CA13: variants seen among roughly 807,000 people sequenced by gnomAD.
CA13 encodes CA-XIII.
A neutral mutation model predicts 31.5 loss-of-function variants in CA13; 21 were observed. The ratio of observed to expected loss-of-function variants is 0.67; its 90% confidence interval spans 0.47 to 0.96. The LOEUF (loss-of-function observed/expected upper bound fraction) is 0.96, where lower values mean the gene tolerates loss of function less well. Among genes scored for constraint, CA13 ranks in the 40% least tolerant of loss-of-function variants. The pLI is 0.00. For synonymous variants in CA13, 117 were observed against 111.4 expected (o/e 1.05, Z -0.32); for missense variants, 315 against 318.9 (o/e 0.99, Z 0.09).
At position 85,259,441 on chromosome 8, in the gene CA13, A is replaced by G; in HGVS notation, c.256A>G (p.Thr86Ala). Residue 86 changes from threonine (T) to alanine (A), a missense_variant, in exon 3 of 7, where the codon ACT becomes GCT. Transcript: ENST00000321764. Reference sequence around the variant, plus strand: ...TTTAGTTCTGCGTGGTGGTCCTCTCACTGGAAGCTACAGGTTACGGCAGGT... The same window carrying G: ...TTTAGTTCTGCGTGGTGGTCCTCTCGCTGGAAGCTACAGGTTACGGCAGGT... The part of the protein sequence containing the change: ...NKSVLRGGPL[T>A]GSYRLRQVHL... 6.2e-7 allele frequency: 1 copy of G among 1,613,998 alleles called. No homozygotes were observed.
rs1474884067 is a variant in CA13, at chr8:85,282,005, C to T, written c.*656C>T. 1 of 152,224 alleles carries T rather than the reference C, an allele frequency of 6.6e-6. No homozygotes were observed. The highest frequency in any genetic ancestry group is 3.2e-3 in the Middle Eastern group (1 of 316). The allele number at this position is 152,224 out of a possible 1,614,324, so 9.4% of individuals were successfully genotyped here. ...CTTGCCATAGAGACTGAATTAGTCA[C>T]AGCTCTCAGTGATGTTAGATGGAAA... On this transcript the variant is annotated 3_prime_UTR_variant, in exon 7 of 7. Transcript: ENST00000321764.
intron 1 of CA13, chr8:85,249,810 G>A (rs1334656820): frequency 4.4e-6 from 2 of 450,808 alleles, no homozygotes; most frequent in Admixed American, 2.4e-5. Flanking sequence ...TCTGTAGAAT[G>A]ACATGGAACT....
chr8:85,275,922 C>T (rs1025115002), intron 6 of CA13, among the ~76,000 whole-genome samples: 16 of 152,266 alleles, frequency 1.1e-4, no homozygotes, highest in East Asian at 1.9e-4. Context: ...AGCCCTTGCT[C>T]GCTCTCAGCG....
chr8:85,247,826 C>T (rs1813757878), intron 1 of CA13, among the ~76,000 whole-genome samples: 1 of 152,006 alleles, frequency 6.6e-6, no homozygotes, highest in Non-Finnish European at 1.5e-5. Context: ...CTGCCTTGGC[C>T]TCCCAAAGTA....
intron 2 of CA13, among the ~76,000 whole-genome samples, chr8:85,254,780 T>A: frequency 6.6e-6 from 1 of 151,574 alleles, no homozygotes; most frequent in Non-Finnish European, 1.5e-5. Flanking sequence ...AAGTTTTTTT[T>A]TTTTTTTTGG....
At chr8:85,270,224 C>T (rs926865469) in intron 6 of CA13, among the ~76,000 whole-genome samples, 1 of 152,212 alleles carries the variant, frequency 6.6e-6, no homozygotes, top group African/African-American at 2.4e-5. Context: ...TACACATGTA[C>T]TGGGCTTGCC....
At chr8:85,264,013 A>T (rs1807422330) in intron 3 of CA13, among the ~76,000 whole-genome samples, 1 of 152,212 alleles carries the variant, frequency 6.6e-6, no homozygotes, top group Non-Finnish European at 1.5e-5. Flanking sequence ...TAAAGTTGCA[A>T]CATATACAAC....
At chr8:85,260,172 T>TA (rs1807356780) in intron 3 of CA13, among the ~76,000 whole-genome samples, 2 of 152,244 alleles carry the variant, frequency 1.3e-5, no homozygotes, top group Non-Finnish European at 2.9e-5. Context: ...TTTTTCCTTA[T>TA]AATTGTATTC....
chr8:85,245,946 A>G (rs1237969680), intron 1 of CA13, 81 bp downstream of exon 1: 46 of 1,504,300 alleles, frequency 3.1e-5, no homozygotes, highest in African/African-American at 4.1e-5. Context: ...CTCGCTGACC[A>G]CACACTGGGC....
chr8:85,258,816 A>G (rs1181266704), intron 2 of CA13, among the ~76,000 whole-genome samples: 1 of 142,082 alleles, frequency 7.0e-6, no homozygotes, highest in Non-Finnish European at 1.5e-5. Flanking sequence ...GCATACCTGT[A>G]GTTCTAGCTA....
At chr8:85,270,558 CCTGT>C (rs2129992678) in intron 6 of CA13, among the ~76,000 whole-genome samples, 1 of 152,078 alleles carries the variant, frequency 6.6e-6, no homozygotes, top group South Asian at 2.1e-4. Context: ...CATTTTTCTC[CCTGT>C]CACATGCTAA....
chr8:85,251,079 G>A, intron 2 of CA13, 142 bp downstream of exon 2: 1 of 690,156 alleles, frequency 1.4e-6, no homozygotes, highest in Non-Finnish European at 2.4e-6. Flanking sequence ...TTGGCTTATT[G>A]CAACCTCCGC....
chr8:85,280,005 G>T (rs1807674581), intron 6 of CA13, among the ~76,000 whole-genome samples: 1 of 152,062 alleles, frequency 6.6e-6, no homozygotes, highest in Admixed American at 6.5e-5. Flanking sequence ...AAAATGGCCG[G>T]GTGCAGTGGC....
At position 85,281,621 on chromosome 8, in the gene CA13, TC is replaced by T; in HGVS notation, c.*275del. The T allele has an allele frequency of 1.9e-6, 1 of 527,176 alleles. No homozygotes were observed. 32.7% of individuals were successfully genotyped at this position (527,176 alleles called of 1,614,324 possible). ...TCCAACTCCTGGACTCAAGTGATCC[TC>T]CCACCTCAGCCTCCAGAGTAAGTAG... is the stretch of plus-strand genomic sequence containing the variant. On this transcript the variant is annotated 3_prime_UTR_variant, in exon 7 of 7. Transcript: ENST00000321764.
chr8:85,248,294 C>T (rs2129940464), intron 1 of CA13, among the ~76,000 whole-genome samples: 1 of 151,938 alleles, frequency 6.6e-6, no homozygotes, highest in South Asian at 2.1e-4. Flanking sequence ...CTCGTTTCTA[C>T]TAAAAATACA....
At chr8:85,253,698 A>T (rs1807234602) in intron 2 of CA13, among the ~76,000 whole-genome samples, 1 of 152,122 alleles carries the variant, frequency 6.6e-6, no homozygotes, top group Non-Finnish European at 1.5e-5. Context: ...TCAACCCCTC[A>T]GTTTTGTGAA....
At chr8:85,253,764 G>A (rs574195895) in intron 2 of CA13, among the ~76,000 whole-genome samples, 72 of 152,206 alleles carry the variant, frequency 4.7e-4, no homozygotes, top group Admixed American at 1.3e-3. Context: ...GGTAGACCCC[G>A]CTACTGGGGA....
chr8:85,245,534 C>A lies in CA13; in HGVS notation c.-295C>A. On this transcript the variant is annotated 5_prime_UTR_variant, in exon 1 of 7. Coordinates refer to ENST00000321764, the MANE Select transcript of CA13 (RefSeq NM_198584.3). ...CTCCTCAGAAGGCAGGAGATCCCCC[C>A]CGGAAACCTTTCTCTCTCCGTCTCT... The A allele has an allele frequency of 7.0e-6, 3 of 428,174 alleles. No homozygotes were observed. The highest frequency in any genetic ancestry group is 4.7e-5 in the East Asian group (1 of 21,094). 26.5% of individuals were successfully genotyped at this position (428,174 alleles called of 1,614,324 possible). A position where few individuals can be genotyped will look rare whatever the true frequency, so the allele number is the denominator to read the frequency against.
At chr8:85,273,504 G>A (rs952894773) in intron 6 of CA13, among the ~76,000 whole-genome samples, 1 of 152,096 alleles carries the variant, frequency 6.6e-6, no homozygotes, top group Non-Finnish European at 1.5e-5. Context: ...AAAGCTTAAG[G>A]GAATGAATAA....
Sources: allele counts gnomAD v4.1 joint callset (sites outside exome capture counted in the v4.1 genomes callset), GRCh38; gene constraint gnomAD v4.1.1; transcripts MANE v1.5; gene names NCBI Gene and HGNC (gene_info 2026-07-23, HGNC 2026-07-21).